Variants in MAPK1IP1L observed in about 807,000 individuals in gnomAD.
MAPK1IP1L encodes the protein mitogen-activated protein kinase 1 interacting protein 1 like.
In MAPK1IP1L, 10 loss-of-function variants were observed where a neutral mutation model predicts 18.1. That is an observed-to-expected ratio of 0.55 (90% confidence interval 0.34 to 0.94). The LOEUF (loss-of-function observed/expected upper bound fraction) is 0.94, where lower values mean the gene tolerates loss of function less well. MAPK1IP1L is among the 40% of genes least tolerant of loss of function. The probability of loss-of-function intolerance (pLI) is 0.02; values close to 1 mark genes in which losing one functional copy is unlikely to be tolerated. For synonymous variants in MAPK1IP1L, 115 were observed against 117.3 expected, an observed-to-expected ratio of 0.98 and a Z score of 0.13; for missense variants, 260 against 318.2, an observed-to-expected ratio of 0.82 and a Z score of 1.39.
At position 55,063,121 on chromosome 14, in the gene MAPK1IP1L, T is replaced by C. The variant is rs1370334700; in HGVS notation, c.522T>C (p.Tyr174=). The C allele has an allele frequency of 6.2e-7, 1 of 1,613,646 alleles. No homozygotes were observed. Among genetic ancestry groups the C allele is most frequent in the Non-Finnish European group, 8.5e-7 (1 of 1,180,030 alleles). Residue 174 remains tyrosine (Y), a synonymous_variant, in exon 3 of 4, where the codon TAT becomes TAC. Transcript: ENST00000395468. ...TGCCATATCCATCTCCAGGCCCATA[T>C]CCCGCTCCTCCTCCTCCCCAAGCCC... ...PNMPYPSPGP[Y]PAPPPPQAPG... is the part of the protein sequence containing the mutation.
Position 55,062,896 on chromosome 14 carries a change from T to C in MAPK1IP1L, c.297T>C (p.Gly99=). The C allele has an allele frequency of 6.2e-7, 1 of 1,614,104 alleles. No homozygotes were observed. Among genetic ancestry groups the C allele is most frequent in the Non-Finnish European group, 8.5e-7 (1 of 1,180,002 alleles). Residue 99 remains glycine (G), a synonymous_variant, in exon 3 of 4, where the codon GGT becomes GGC. Transcript: ENST00000395468. ...PPSGPSCPPP[G]GPYPAPTVPG... Reference sequence around the variant, plus strand: ...CCGGACCATCATGTCCCCCACCTGGTGGTCCTTATCCAGCCCCAACTGTGC... The same window carrying C: ...CCGGACCATCATGTCCCCCACCTGGCGGTCCTTATCCAGCCCCAACTGTGC...
intron 1 of MAPK1IP1L, among the ~76,000 whole-genome samples, chr14:55,053,235 A>T (rs142416645): frequency 2.6e-5 from 4 of 152,228 alleles, no homozygotes; most frequent in Admixed American, 6.5e-5. Context: ...CAGCAAATCT[A>T]TGATGTGGGT....
intron 1 of MAPK1IP1L, among the ~76,000 whole-genome samples, chr14:55,052,349 T>C (rs2042737139): frequency 6.6e-6 from 1 of 152,180 alleles, no homozygotes; most frequent in Non-Finnish European, 1.5e-5. Flanking sequence ...ATCCGCAGTG[T>C]GACAACGTTC....
At chr14:55,058,640 G>C (rs1310314052) in intron 1 of MAPK1IP1L, among the ~76,000 whole-genome samples, 1 of 152,150 alleles carries the variant, frequency 6.6e-6, no homozygotes, top group Non-Finnish European at 1.5e-5. Flanking sequence ...AGAGCAGCCT[G>C]GCCAACGTGG....
intron 1 of MAPK1IP1L, among the ~76,000 whole-genome samples, chr14:55,053,367 C>T (rs576742316): frequency 1.1e-4 from 17 of 152,306 alleles, no homozygotes; most frequent in African/African-American, 4.1e-4. Flanking sequence ...ACTTTTTTAC[C>T]TATAAGCTAG....
chr14:55,064,081 C>G (rs1328387460), intron 3 of MAPK1IP1L: 3 of 135,174 alleles, frequency 2.2e-5, no homozygotes, highest in African/African-American at 8.4e-5. Flanking sequence ...TCTCTCGGCT[C>G]GCTGCAATCT....
chr14:55,052,030 G>T (rs2042732852), intron 1 of MAPK1IP1L, among the ~76,000 whole-genome samples: 1 of 152,080 alleles, frequency 6.6e-6, no homozygotes, highest in South Asian at 2.1e-4. Flanking sequence ...CAGGGAGAAG[G>T]TGTCGGAGGC....
intron 1 of MAPK1IP1L, among the ~76,000 whole-genome samples, chr14:55,059,028 A>G (rs1224620397): frequency 1.3e-5 from 2 of 151,890 alleles, no homozygotes; most frequent in African/African-American, 4.8e-5. Context: ...TTGAGTATCT[A>G]TGGGGGTCCT....
At chr14:55,059,187 T>TA (rs2042794734) in intron 1 of MAPK1IP1L, among the ~76,000 whole-genome samples, 1 of 116,466 alleles carries the variant, frequency 8.6e-6, no homozygotes, top group African/African-American at 3.3e-5. Context: ...TTTTTTTTTT[T>TA]AACGATCTGG....
rs1371186049 is a variant in MAPK1IP1L, at chr14:55,066,491, G to C, written c.*1864G>C. ...AGTAGCCCCCTTAGTCTACAAGGCA[G>C]GTAGCCTTGGCTTGAATTATCAATA... On this transcript the variant is annotated 3_prime_UTR_variant, in exon 4 of 4. Coordinates refer to ENST00000395468, the MANE Select transcript of MAPK1IP1L (RefSeq NM_144578.4). 1 of 152,230 alleles carries C rather than the reference G, an allele frequency of 6.6e-6. No homozygotes were observed. The allele number at this position is 152,230 out of a possible 1,614,324, so 9.4% of individuals were successfully genotyped here. A position where few individuals can be genotyped will look rare whatever the true frequency, so the allele number is the denominator to read the frequency against.
intron 1 of MAPK1IP1L, among the ~76,000 whole-genome samples, 191 bp downstream of exon 1, chr14:55,051,994 C>G (rs1024193465): frequency 1.3e-5 from 2 of 152,154 alleles, no homozygotes; most frequent in African/African-American, 4.8e-5. Context: ...TTCCTCCACG[C>G]TGCGGGCTGC....
chr14:55,061,665 C>A lies in MAPK1IP1L; in HGVS notation c.-4-15C>A. On this transcript the variant is annotated splice_polypyrimidine_tract_variant and intron_variant, in intron 1 of 3. Transcript: ENST00000395468. ...GAAATTTTTCTTTCTTCCTTCATTT[C>A]TTTTCTTTTTTTAGGAAAATGTCTG... The A allele has an allele frequency of 6.5e-7, 1 of 1,544,308 alleles. No homozygotes were observed. The highest frequency in any genetic ancestry group is 8.8e-7 in the Non-Finnish European group (1 of 1,136,000).
chr14:55,054,040 C>T (rs1276966733), intron 1 of MAPK1IP1L, among the ~76,000 whole-genome samples: 2 of 152,102 alleles, frequency 1.3e-5, no homozygotes, highest in Non-Finnish European at 1.5e-5. Flanking sequence ...GGCATGGTGG[C>T]ACTCAAAAAG....
intron 2 of MAPK1IP1L, 88 bp downstream of exon 2, chr14:55,061,789 TAAAAG>T: frequency 9.4e-6 from 10 of 1,061,982 alleles, no homozygotes; most frequent in South Asian, 1.6e-5. Context: ...TCTTTTCACT[TAAAAG>T]AGATGCTTTA....
chr14:55,054,698 TA>T (rs1358993620), intron 1 of MAPK1IP1L, among the ~76,000 whole-genome samples: 3 of 152,226 alleles, frequency 2.0e-5, no homozygotes, highest in Non-Finnish European at 1.5e-5. Context: ...CATCACTGTG[TA>T]GTCCCATACT....
chr14:55,052,971 C>G (rs1028960150), intron 1 of MAPK1IP1L, among the ~76,000 whole-genome samples: 1 of 152,172 alleles, frequency 6.6e-6, no homozygotes, highest in Non-Finnish European at 1.5e-5. Context: ...AGAGATAACA[C>G]CCCCAGCAGA....
Position 55,057,485 on chromosome 14 carries a change from G to A in MAPK1IP1L, c.-4-4195G>A, listed in dbSNP as rs2042780612. 2.0e-5 allele frequency among the ~76,000 whole-genome samples: 3 copies of A among 152,180 alleles called. No individual in the cohort carries two copies. In the South Asian group the frequency reaches 6.2e-4, roughly 32 times the overall value. On this transcript the variant is annotated intron_variant, in intron 1 of 3. Coordinates refer to ENST00000395468, the MANE Select transcript of MAPK1IP1L (RefSeq NM_144578.4). Reference sequence around the variant, plus strand: ...TATTAAACATTTAAATGAGCTGGGCGCAGTGGCTCACGCCTGTAATCCCAG... The same window carrying A: ...TATTAAACATTTAAATGAGCTGGGCACAGTGGCTCACGCCTGTAATCCCAG...
At chr14:55,054,247 C>G (rs897824453) in intron 1 of MAPK1IP1L, among the ~76,000 whole-genome samples, 1 of 141,134 alleles carries the variant, frequency 7.1e-6, no homozygotes, top group Non-Finnish European at 1.5e-5. Context: ...CAGCGATTCT[C>G]CTGCCTCAGC....
At chr14:55,061,865 G>A (rs1171223163) in intron 2 of MAPK1IP1L, among the ~76,000 whole-genome samples, 164 bp downstream of exon 2, 1 of 152,212 alleles carries the variant, frequency 6.6e-6, no homozygotes, top group Non-Finnish European at 1.5e-5. Context: ...TTGACCCCAA[G>A]AGTTTCAGGC....
Sources: allele counts gnomAD v4.1 joint callset (sites outside exome capture counted in the v4.1 genomes callset), GRCh38; gene constraint gnomAD v4.1.1; transcripts MANE v1.5; gene names NCBI Gene and HGNC (gene_info 2026-07-23, HGNC 2026-07-21).